The following BCL2L1 variants were observed in gnomAD, a reference collection of about 807,000 sequenced individuals.
BCL2L1 encodes bcl-2-like protein 1.
BCL2L1 carries 1 observed loss-of-function variant against 18.7 expected under a neutral mutation model. The observed-to-expected ratio is 0.05, with a 90% confidence interval of 0.02 to 0.25. BCL2L1 has a LOEUF of 0.25. BCL2L1 is among the 10% of genes least tolerant of loss of function. The pLI is 1.00. For synonymous variants in BCL2L1, 103 were observed against 122.7 expected (o/e 0.84, Z 1.06); for missense variants, 207 against 304.9 (o/e 0.68, Z 2.39).
Position 31,722,319 on chromosome 20 carries a change from C to A in BCL2L1, c.-101G>T. On this transcript the variant is annotated 5_prime_UTR_variant, in exon 2 of 3. Transcript: ENST00000307677. ...GTGATTCTCTTCTAAGATCCAAAGC[C>A]AAGATAAGATTCTGAAGGGAGAGAA... 1 of 885,266 alleles carries A rather than the reference C, an allele frequency of 1.1e-6. No individual in the cohort carries two copies. Among genetic ancestry groups the A allele is most frequent in the African/African-American group, 1.7e-5 (1 of 58,936 alleles). The allele number at this position is 885,266 out of a possible 1,614,324, so 54.8% of individuals were successfully genotyped here.
intron 2 of BCL2L1, among the ~76,000 whole-genome samples, chr20:31,690,320 G>C (rs2061041590): frequency 6.6e-6 from 1 of 151,992 alleles, no homozygotes; most frequent in South Asian, 2.1e-4. Context: ...CCAACTCCTG[G>C]GCTCAAGCCA....
intron 2 of BCL2L1, among the ~76,000 whole-genome samples, chr20:31,718,979 A>G (rs1323782075): frequency 2.0e-5 from 3 of 152,206 alleles, no homozygotes; most frequent in African/African-American, 7.2e-5. Context: ...AATTATGCCA[A>G]CCTTGGTGTA....
chr20:31,668,313 TTTC>T (rs1354594931), intron 2 of BCL2L1, among the ~76,000 whole-genome samples: 1 of 151,566 alleles, frequency 6.6e-6, no homozygotes, highest in Non-Finnish European at 1.5e-5. Flanking sequence ...TTCCTTGATT[TTTC>T]TTCTCAGTTT....
chr20:31,704,581 G>A lies in BCL2L1; in HGVS notation c.564+17074C>T, dbSNP rs188594373. 3.9e-3 allele frequency among the ~76,000 whole-genome samples: 589 copies of A among 152,274 alleles called. 5 individuals carry two copies. Among genetic ancestry groups the A allele is most frequent in the African/African-American group, 0.011 (475 of 41,554 alleles). ...TTAGAGTGGTTCCTTGCCCTTGGCC[G>A]GAGTAGGGAATCTGTGTCACCTTGT... On this transcript the variant is annotated intron_variant, in intron 2 of 2. Transcript: ENST00000307677.
intron 2 of BCL2L1, among the ~76,000 whole-genome samples, chr20:31,693,070 A>G (rs983091235): frequency 1.3e-5 from 2 of 149,400 alleles, no homozygotes; most frequent in Non-Finnish European, 3.0e-5. Context: ...GACCGTCTCA[A>G]AAAAAAAAAA....
Position 31,667,484 on chromosome 20 carries a change from C to CGTGTGT in BCL2L1, c.565-1404_565-1399dup, listed in dbSNP as rs3073682. On this transcript the variant is annotated intron_variant, in intron 2 of 2. Coordinates refer to ENST00000307677, the MANE Select transcript of BCL2L1 (RefSeq NM_138578.3). ...AAAAAAAAAGGAAGTACCATAGTAC[C>CGTGTGT]GTGTGTGTGTGTGTGTGTGTGTGTG... Among the ~76,000 whole-genome samples, 595 of 135,330 alleles carry CGTGTGT rather than the reference C, an allele frequency of 4.4e-3. 13 individuals are homozygous for CGTGTGT. The highest frequency in any genetic ancestry group is 0.017 in the African/African-American group (543 of 32,724). The allele number at this position is 135,330 out of a possible 152,430, so 88.8% of individuals were successfully genotyped here.
At position 31,665,928 on chromosome 20, in the gene BCL2L1, GAGTGGATGGTC is replaced by G; in HGVS notation, c.*10_*20del. The stretch of plus-strand genomic sequence containing the variant: ...GAGCAGAGAAGGGGGTGGGAGGGTA[GAGTGGATGGTC>G]AGTGTCTGGTCATTTCCGACTGAAG... On this transcript the variant is annotated 3_prime_UTR_variant, in exon 3 of 3. Coordinates refer to ENST00000307677, the MANE Select transcript of BCL2L1 (RefSeq NM_138578.3). 1 of 1,611,514 alleles carries G rather than the reference GAGTGGATGGTC, an allele frequency of 6.2e-7. No individual in the cohort carries two copies. Among genetic ancestry groups the G allele is most frequent in the Non-Finnish European group, 8.5e-7 (1 of 1,179,066 alleles).
chr20:31,695,127 T>C (rs771141242), intron 2 of BCL2L1, among the ~76,000 whole-genome samples: 6 of 152,184 alleles, frequency 3.9e-5, no homozygotes, highest in East Asian at 1.9e-4. Context: ...TCAAATTGTA[T>C]TGAAGCTCTG....
rs756056912 is a variant in BCL2L1, at chr20:31,721,936, C to T, written c.283G>A (p.Asp95Asn). Residue 95 changes from aspartate to asparagine, a missense_variant, in exon 2 of 3, where the codon GAC becomes AAC. Transcript: ENST00000307677. ...AVKQALREAGDEFELRYRRAF... is the reference protein window; with the variant it reads ...AVKQALREAGNEFELRYRRAF... ...CGCCGGTACCGCAGTTCAAACTCGT[C>T]GCCTGCCTCCCTCAGCGCTTGCTTT... 2.2e-5 allele frequency: 36 copies of T among 1,614,064 alleles called. 1 individual carries two copies. The highest frequency in any genetic ancestry group is 2.2e-4 in the South Asian group (20 of 91,094).
chr20:31,697,897 T>TTTTTTTTTTGTTTGTTTG, intron 2 of BCL2L1, among the ~76,000 whole-genome samples: 2 of 148,694 alleles, frequency 1.3e-5, no homozygotes, highest in African/African-American at 2.6e-5. Flanking sequence ...TTGCTGTTTT[T>TTTTTTTTTTGTTTGTTTG]TTTTTTTTGA....
At chr20:31,720,848 A>C (rs979218615) in intron 2 of BCL2L1, 15 of 985,324 alleles carry the variant, frequency 1.5e-5, no homozygotes, top group Non-Finnish European at 1.8e-5. Context: ...GCCAGCAAAC[A>C]GTGCTTGAAG....
chr20:31,689,935 T>C (rs2061032812), intron 2 of BCL2L1, among the ~76,000 whole-genome samples: 1 of 152,222 alleles, frequency 6.6e-6, no homozygotes, highest in African/African-American at 2.4e-5. Context: ...GAGAATTGCT[T>C]GAACCCAGGA....
chr20:31,676,590 C>T (rs1036829451), intron 2 of BCL2L1, among the ~76,000 whole-genome samples: 2 of 152,166 alleles, frequency 1.3e-5, no homozygotes, highest in Non-Finnish European at 2.9e-5. Flanking sequence ...ATTCTTCTCC[C>T]AGTGTCCAGG....
chr20:31,690,250 A>G (rs769337535), intron 2 of BCL2L1, among the ~76,000 whole-genome samples: 38 of 151,792 alleles, frequency 2.5e-4, no homozygotes, highest in Admixed American at 1.6e-3. Flanking sequence ...TACCACTGCA[A>G]ATGACTAATT....
At chr20:31,705,367 A>G (rs1308112961) in intron 2 of BCL2L1, among the ~76,000 whole-genome samples, 12 of 152,174 alleles carry the variant, frequency 7.9e-5, no homozygotes, top group Non-Finnish European at 1.3e-4. Flanking sequence ...AAGTATTATT[A>G]TTATCCCCAT....
At chr20:31,705,017 T>A (rs769501848) in intron 2 of BCL2L1, among the ~76,000 whole-genome samples, 6 of 152,170 alleles carry the variant, frequency 3.9e-5, no homozygotes, top group Non-Finnish European at 8.8e-5. Flanking sequence ...TACAGACAAC[T>A]ACAATGCTGG....
At chr20:31,713,233 T>A in intron 2 of BCL2L1, 1 of 970,502 alleles carries the variant, frequency 1.0e-6, no homozygotes, top group Non-Finnish European at 1.2e-6. Context: ...TAGCCTAGGG[T>A]AGGGGGTAAT....
intron 2 of BCL2L1, among the ~76,000 whole-genome samples, chr20:31,667,276 C>A (rs912409106): frequency 6.6e-6 from 1 of 152,062 alleles, no homozygotes. Flanking sequence ...GCCTGGCCAA[C>A]ATGGTGAAAC....
chr20:31,714,351 T>C (rs1454024952), intron 2 of BCL2L1, among the ~76,000 whole-genome samples: 1 of 152,180 alleles, frequency 6.6e-6, no homozygotes, highest in Non-Finnish European at 1.5e-5. Context: ...TACACCACCA[T>C]TGCACACAAA....
Sources: allele counts gnomAD v4.1 joint callset (sites outside exome capture counted in the v4.1 genomes callset), GRCh38; gene constraint gnomAD v4.1.1; transcripts MANE v1.5; gene names NCBI Gene and HGNC (gene_info 2026-07-23, HGNC 2026-07-21).